The following GJA9 variants were observed in gnomAD, a reference collection of about 807,000 sequenced individuals.
GJA9 encodes the protein gap junction alpha-9 protein.
Under a neutral mutation model 0.4 loss-of-function variants are expected in GJA9, and 1 was observed. The observed-to-expected ratio is 2.50, with a 90% CI of 0.89 to 11.88. The LOEUF is 11.88. GJA9 is among the 30% of genes most tolerant of loss of function. The pLI, the probability that GJA9 is intolerant of heterozygous loss-of-function variation, is 0.12. For synonymous variants in GJA9, 190 were observed against 219.1 expected, an observed-to-expected ratio of 0.87 and a Z score of 1.17; for missense variants, 550 against 602.8, an observed-to-expected ratio of 0.91 and a Z score of 0.92.
intron 1 of GJA9, among the ~76,000 whole-genome samples, chr1:38,878,931 C>G (rs1299018108): frequency 6.6e-6 from 1 of 151,948 alleles, no homozygotes; most frequent in Non-Finnish European, 1.5e-5. Context: ...TGGGGTTCCT[C>G]CATATTGGTC....
At chr1:38,879,604 T>C (rs1642654007) in intron 1 of GJA9, among the ~76,000 whole-genome samples, 1 of 152,262 alleles carries the variant, frequency 6.6e-6, no homozygotes, top group Non-Finnish European at 1.5e-5. Flanking sequence ...CATTAAGAGA[T>C]TATCTGTTTT....
chr1:38,875,207 G>T lies in GJA9; in HGVS notation c.892C>A (p.Pro298Thr). 1 of 1,614,070 alleles carries T rather than the reference G, an allele frequency of 6.2e-7. No homozygotes were observed. The highest frequency in any genetic ancestry group is 8.5e-7 in the Non-Finnish European group (1 of 1,179,998). ...AATACAGAAGATGAATTTAAACTAG[G>T]GTACACTGCAGTGTGTGTTTGCTTT... ...VEKQTHTAVY[P>T]SLNSSSVFQP... Residue 298 changes from proline to threonine, a missense_variant, in exon 2 of 2, where the codon CCT becomes ACT. Physicochemically the swap from Pro to Thr is conservative, Grantham distance 38. Coordinates refer to ENST00000357771, the MANE Select transcript of GJA9 (RefSeq NM_030772.5).
In GJA9 at chr1:38,874,767, C is replaced by T; in HGVS notation, c.1332G>A (p.Lys444=). ...TGACTGTGCCCTTTCTGAACTGGCCCTTGAGGTTACCTTTAGGAGGTGACC... is the reference window on the plus strand; with the variant it reads ...TGACTGTGCCCTTTCTGAACTGGCCTTTGAGGTTACCTTTAGGAGGTGACC... ...NRGSPPKGNL[K]GQFRKGTVRT... is the part of the protein sequence containing the mutation. The change falls in exon 2 of 2, where the codon AAG becomes AAA. Residue 444 remains lysine (K), a synonymous_variant. Coordinates refer to ENST00000357771, the MANE Select transcript of GJA9 (RefSeq NM_030772.5). The T allele has an allele frequency of 1.2e-6, 2 of 1,614,186 alleles. No homozygotes were observed. The highest frequency in any genetic ancestry group is 8.5e-7 in the Non-Finnish European group (1 of 1,180,024).
At position 38,880,412 on chromosome 1, in the gene GJA9, T is replaced by TAAAA. The variant is rs1282127250; in HGVS notation, c.-96+1019_-96+1020insTTTT. 2.7e-5 allele frequency among the ~76,000 whole-genome samples: 2 copies of TAAAA among 74,946 alleles called. 1 individual carries two copies. The highest frequency in any genetic ancestry group is 5.3e-5 in the Non-Finnish European group (2 of 37,824). 49.2% of individuals were successfully genotyped at this position (74,946 alleles called of 152,430 possible). A position where few individuals can be genotyped will look rare whatever the true frequency, so the allele number is the denominator to read the frequency against. ...AGCAAGACTCTGTCTCAAAAAAAAA[T>TAAAA]AAATAATAATAATAATAATAATAAT... On this transcript the variant is annotated intron_variant, in intron 1 of 1. Transcript: ENST00000357771.
In GJA9 at chr1:38,881,444, A is replaced by G; in HGVS notation, c.-108T>C. 1.4e-6 allele frequency: 1 copy of G among 701,952 alleles called. No homozygotes were observed. The highest frequency in any genetic ancestry group is 2.0e-5 in the Admixed American group (1 of 49,998). 43.5% of individuals were successfully genotyped at this position (701,952 alleles called of 1,614,324 possible). A position where few individuals can be genotyped will look rare whatever the true frequency, so the allele number is the denominator to read the frequency against. On this transcript the variant is annotated 5_prime_UTR_variant, in exon 1 of 2. Coordinates refer to ENST00000357771, the MANE Select transcript of GJA9 (RefSeq NM_030772.5). ...GATTAACACAAACCTTTCTTAGTTTAGGTAAATCTGAGAAGCAAACCATGT... is the reference window on the plus strand; with the variant it reads ...GATTAACACAAACCTTTCTTAGTTTGGGTAAATCTGAGAAGCAAACCATGT...
Position 38,874,533 on chromosome 1 carries a change from C to A in GJA9, c.*18G>T. 6.3e-7 allele frequency: 1 copy of A among 1,595,282 alleles called. No homozygotes were observed. Among genetic ancestry groups the A allele is most frequent in the East Asian group, 2.2e-5 (1 of 44,776 alleles). ...ACTTCTCTGATAATATATATAATGT[C>A]TAAAAGCCAACCGCTGTTTAGATCT... On this transcript the variant is annotated 3_prime_UTR_variant, in exon 2 of 2. Coordinates refer to ENST00000357771, the MANE Select transcript of GJA9 (RefSeq NM_030772.5).
intron 1 of GJA9, among the ~76,000 whole-genome samples, chr1:38,877,319 G>T (rs1379582347): frequency 1.3e-5 from 2 of 151,750 alleles, no homozygotes; most frequent in Non-Finnish European, 2.9e-5. Context: ...GATTACAGGC[G>T]TGAGCCACCA....
Position 38,875,930 on chromosome 1 carries a change from C to T in GJA9, c.169G>A (p.Glu57Lys). The part of the protein sequence containing the change: ...DEQSGFICNT[E>K]QPGCRNVCYD... ...CATACATTTCTGCAGCCTGGTTGTT[C>T]TGTATTGCAGATGAAGCCAGACTGC... The change falls in exon 2 of 2, where the codon GAA becomes AAA. Residue 57 changes from glutamate to lysine, a missense_variant. By Grantham distance (56) the Glu-to-Lys change is moderately conservative (BLOSUM62 1). Transcript: ENST00000357771. The T allele has an allele frequency of 6.2e-7, 1 of 1,614,224 alleles. No individual in the cohort carries two copies. Among genetic ancestry groups the T allele is most frequent in the Non-Finnish European group, 8.5e-7 (1 of 1,180,044 alleles).
chr1:38,874,344 C>T lies in GJA9; in HGVS notation c.*207G>A. On this transcript the variant is annotated 3_prime_UTR_variant, in exon 2 of 2. Coordinates refer to ENST00000357771, the MANE Select transcript of GJA9 (RefSeq NM_030772.5). ...GGATATCATTTAAAAAAAAAAAAAT[C>T]CTGATTTGACAACTCTATGTCTTTG... 1 of 484,688 alleles carries T rather than the reference C, an allele frequency of 2.1e-6. No homozygotes were observed. Among genetic ancestry groups the T allele is most frequent in the Non-Finnish European group, 3.6e-6 (1 of 275,282 alleles). The allele number at this position is 484,688 out of a possible 1,614,324, so 30.0% of individuals were successfully genotyped here.
At chr1:38,878,428 C>A (rs1460280490) in intron 1 of GJA9, among the ~76,000 whole-genome samples, 2 of 151,646 alleles carry the variant, frequency 1.3e-5, no homozygotes, top group African/African-American at 4.8e-5. Context: ...CACCTGTAAT[C>A]CCAGCACTTT....
rs1642558357 is a variant in GJA9 at position 38,875,092 on chromosome 1, AG to A, written c.1006del (p.Ser337ValfsTer31). The A allele has an allele frequency of 6.2e-7, 1 of 1,614,062 alleles. No individual in the cohort carries two copies. Among genetic ancestry groups the A allele is most frequent in the Admixed American group, 1.7e-5 (1 of 60,004 alleles). ...ETVLSNEISTLSTSCSHFQHI... is the reference protein window; with the variant it reads ...ETVLSNEISTXSTSCSHFQHI... The stretch of plus-strand genomic sequence containing the variant: ...TTGAAAATGACTACAACTAGTACTA[AG>A]TGTGGAAATCTCATTAGAAAGTACA... On this transcript the variant is annotated frameshift_variant, in exon 2 of 2. Transcript: ENST00000357771. LOFTEE classifies it low-confidence loss of function (END_TRUNC).
intron 1 of GJA9, 143 bp from the exon 2 acceptor site, chr1:38,876,336 C>A (rs185219170): frequency 5.8e-6 from 3 of 518,402 alleles, no homozygotes; most frequent in African/African-American, 3.9e-5. Context: ...TACAGTGTTG[C>A]AACCACAACT....
In GJA9 at chr1:38,875,787, C is replaced by T; in HGVS notation, c.312G>A (p.Glu104=). ...GAGCTTTCATCCTTTGCCTCTCTTC[C>T]TCAAGAACTCTCAGTCGGTACAATG... ...GHALYRLRVL[E]EERQRMKAQL... The change falls in exon 2 of 2, where the codon GAG becomes GAA. Residue 104 remains glutamate (E), a synonymous_variant. Coordinates refer to ENST00000357771, the MANE Select transcript of GJA9 (RefSeq NM_030772.5). The T allele has an allele frequency of 6.2e-7, 1 of 1,614,228 alleles. No individual in the cohort carries two copies. The highest frequency in any genetic ancestry group is 8.5e-7 in the Non-Finnish European group (1 of 1,180,042).
Position 38,875,366 on chromosome 1 carries a change from T to A in GJA9, c.733A>T (p.Lys245Ter). Reference sequence around the variant, plus strand: ...TTATGTTCCTTCTTCAACTTGTATTTTCCCCAAAGCCCTCTTTTAATCTTT... The same window carrying A: ...TTATGTTCCTTCTTCAACTTGTATTATCCCCAAAGCCCTCTTTTAATCTTT... ...FKKIKRGLWGKYKLKKEHNEF... is the reference protein window; with the variant it reads ...FKKIKRGLWG Residue 245 changes from lysine (K) to a stop codon, truncating the protein, a stop_gained, in exon 2 of 2, where the codon AAA becomes TAA. Coordinates refer to ENST00000357771, the MANE Select transcript of GJA9 (RefSeq NM_030772.5). LOFTEE classifies it low-confidence loss of function (END_TRUNC). 2 of 1,614,194 alleles carry A rather than the reference T, an allele frequency of 1.2e-6. No homozygotes were observed. Among genetic ancestry groups the A allele is most frequent in the Non-Finnish European group, 1.7e-6 (2 of 1,180,036 alleles).
In GJA9 at chr1:38,875,595, T is replaced by C; in HGVS notation, c.504A>G (p.Glu168=). 2 of 1,614,184 alleles carry C rather than the reference T, an allele frequency of 1.2e-6. No homozygotes were observed. Among genetic ancestry groups the C allele is most frequent in the Non-Finnish European group, 1.7e-6 (2 of 1,180,036 alleles). ...VIHIFTRSVV[E]VGFMIGQYLL... ...GGTACTGTCCAATCATGAATCCAAC[T>C]TCAACCACAGAGCGAGTGAAAATGT... The change falls in exon 2 of 2, where the codon GAA becomes GAG. Residue 168 remains glutamate, a synonymous_variant. Transcript: ENST00000357771.
At chr1:38,880,919 TTAAA>T (rs1642687397) in intron 1 of GJA9, among the ~76,000 whole-genome samples, 1 of 152,194 alleles carries the variant, frequency 6.6e-6, no homozygotes. Flanking sequence ...GAAAAACTGG[TTAAA>T]TAATCGACTA....
At position 38,874,898 on chromosome 1, in the gene GJA9, T is replaced by C. The variant is rs781669136; in HGVS notation, c.1201A>G (p.Met401Val). 3 of 1,614,194 alleles carry C rather than the reference T, an allele frequency of 1.9e-6. No homozygotes were observed. Among genetic ancestry groups the C allele is most frequent in the East Asian group, 4.5e-5 (2 of 44,894 alleles). The change falls in exon 2 of 2, where the codon ATG becomes GTG. Residue 401 changes from methionine (M) to valine (V), a missense_variant. Physicochemically the swap from Met to Val is conservative, Grantham distance 21. Coordinates refer to ENST00000357771, the MANE Select transcript of GJA9 (RefSeq NM_030772.5). ...PGVAIDGENN[M>V]RQSPQTVFSL... is the part of the protein sequence containing the mutation. The stretch of plus-strand genomic sequence containing the variant: ...AAAACTGTTTGGGGTGACTGCCTCA[T>C]GTTGTTCTCTCCATCTATAGCAACA...
chr1:38,879,562 T>C (rs1246605415), intron 1 of GJA9, among the ~76,000 whole-genome samples: 1 of 152,254 alleles, frequency 6.6e-6, no homozygotes, highest in Non-Finnish European at 1.5e-5. Context: ...ATTTTTCCTC[T>C]GTAAGCAAAC....
chr1:38,881,401 A>C lies in GJA9; in HGVS notation c.-96+31T>G, dbSNP rs1207611349. ...AAAACATTTCAAACAACTCTTTCTT[A>C]ATAAGCTAAAACAGAGAGATTAACA... On this transcript the variant is annotated intron_variant, in intron 1 of 1. Coordinates refer to ENST00000357771, the MANE Select transcript of GJA9 (RefSeq NM_030772.5). 3 of 700,656 alleles carry C rather than the reference A, an allele frequency of 4.3e-6. No homozygotes were observed. In the East Asian group the frequency reaches 8.1e-5, roughly 19 times the overall value. 43.4% of individuals were successfully genotyped at this position (700,656 alleles called of 1,614,324 possible).
Sources: gnomAD v4.1 joint callset for allele counts (sites outside exome capture counted in the v4.1 genomes callset) on GRCh38, gnomAD v4.1.1 for gene constraint, MANE v1.5 for transcripts, NCBI Gene and HGNC (gene_info 2026-07-23, HGNC 2026-07-21) for gene names.